Variants in RPS6KA2 observed in about 807,000 individuals in gnomAD.
The protein encoded by RPS6KA2 is ribosomal protein S6 kinase A2.
A neutral mutation model predicts 91.8 loss-of-function variants in RPS6KA2; 42 were observed. That is an observed-to-expected ratio of 0.46 (90% confidence interval 0.36 to 0.59). The LOEUF (loss-of-function observed/expected upper bound fraction) is 0.59, where lower values mean the gene tolerates loss of function less well. RPS6KA2 is among the 20% of genes least tolerant of loss of function. RPS6KA2 has a pLI of 0.00. For synonymous variants in RPS6KA2, 414 were observed against 393.6 expected (o/e 1.05, Z -0.61); for missense variants, 798 against 978.5 (o/e 0.82, Z 2.46).
intron 2 of RPS6KA2, among the ~76,000 whole-genome samples, chr6:166,674,882 T>G (rs1788574866): frequency 6.6e-6 from 1 of 152,218 alleles, no homozygotes; most frequent in Admixed American, 6.5e-5. Flanking sequence ...TTGGCCAGGC[T>G]GGTCTCTAAC....
chr6:166,796,592 AAAC>A (rs575046426), intron 2 of RPS6KA2, among the ~76,000 whole-genome samples: 3 of 151,910 alleles, frequency 2.0e-5, no homozygotes, highest in Non-Finnish European at 2.9e-5. Context: ...TTAAAAAGAA[AAAC>A]AACAACAACA....
intron 19 of RPS6KA2, among the ~76,000 whole-genome samples, chr6:166,417,978 C>G (rs1481699554): frequency 1.3e-5 from 2 of 151,882 alleles, no homozygotes; most frequent in Non-Finnish European, 2.9e-5. Context: ...GTCCCAGCTA[C>G]TTGGGAGGCT....
intron 2 of RPS6KA2, among the ~76,000 whole-genome samples, chr6:166,738,458 C>T (rs1215668062): frequency 6.6e-6 from 1 of 152,138 alleles, no homozygotes; most frequent in Non-Finnish European, 1.5e-5. Flanking sequence ...GGTGGACCCT[C>T]AAAACAGAGG....
At chr6:166,440,647 AG>A (rs1779490828) in intron 14 of RPS6KA2, among the ~76,000 whole-genome samples, 2 of 152,250 alleles carry the variant, frequency 1.3e-5, no homozygotes, top group Admixed American at 6.5e-5. Flanking sequence ...CATCCCATGT[AG>A]GAATGCTACG....
intron 2 of RPS6KA2, among the ~76,000 whole-genome samples, chr6:166,750,111 C>G (rs1002423182): frequency 3.9e-5 from 6 of 152,148 alleles, no homozygotes; most frequent in Non-Finnish European, 8.8e-5. Flanking sequence ...GTGCCCATGC[C>G]GGAGAGAAGT....
chr6:166,658,697 G>A (rs375648762), intron 2 of RPS6KA2, among the ~76,000 whole-genome samples: 34 of 152,288 alleles, frequency 2.2e-4, no homozygotes, highest in Middle Eastern at 3.4e-3. Flanking sequence ...GCCAGGGTTC[G>A]CCTGTGCAAT....
intron 1 of RPS6KA2, among the ~76,000 whole-genome samples, chr6:166,571,462 T>C (rs1784684268): frequency 6.6e-6 from 1 of 152,190 alleles, no homozygotes; most frequent in South Asian, 2.1e-4. Context: ...AAAAAGCCAA[T>C]GACAAACAGA....
intron 11 of RPS6KA2, among the ~76,000 whole-genome samples, chr6:166,468,636 G>A (rs909126961): frequency 6.6e-6 from 1 of 152,040 alleles, no homozygotes; most frequent in Non-Finnish European, 1.5e-5. Flanking sequence ...GGCCAAGGTG[G>A]GTGGATCATG....
intron 1 of RPS6KA2, among the ~76,000 whole-genome samples, chr6:166,552,353 G>A (rs1264841650): frequency 6.6e-6 from 1 of 152,188 alleles, no homozygotes; most frequent in African/African-American, 2.4e-5. Context: ...GCGGTCCCCA[G>A]GAGGCCCTGC....
At chr6:166,591,595 G>A (rs1405714556) in intron 1 of RPS6KA2, among the ~76,000 whole-genome samples, 3 of 152,096 alleles carry the variant, frequency 2.0e-5, no homozygotes, top group Non-Finnish European at 2.9e-5. Context: ...CTGAGATGAT[G>A]GAGGCAGCCA....
At chr6:166,452,158 T>TA (rs143985479) in intron 12 of RPS6KA2, among the ~76,000 whole-genome samples, 3,215 of 152,272 alleles carry the variant, frequency 0.021, 87 homozygotes, top group East Asian at 0.1. Flanking sequence ...TGGGTTTGGC[T>TA]GGGGGTGGAC....
chr6:166,627,266 C>CGCGCCACGCCT, upstream of RPS6KA2: 1 of 1,004,526 alleles, frequency 1.0e-6, no homozygotes. Flanking sequence ...GCGCCGGCCA[C>CGCGCCACGCCT]GCGCCACGCC....
chr6:166,577,893 A>T (rs1349035353), intron 1 of RPS6KA2, among the ~76,000 whole-genome samples: 1 of 152,266 alleles, frequency 6.6e-6, no homozygotes, highest in Middle Eastern at 3.4e-3. Context: ...TTGTGTTGGG[A>T]GAGGGACCTG....
chr6:166,508,584 G>T lies in RPS6KA2; in HGVS notation c.380-302C>A, dbSNP rs1016368700. Among the ~76,000 whole-genome samples the T allele has an allele frequency of 6.6e-6, 1 of 152,172 alleles. No homozygotes were observed. The highest frequency in any genetic ancestry group is 6.5e-5 in the Admixed American group (1 of 15,282). ...GAATTGAAAGATACACGGGGAGAAA[G>T]ATGTGAATATTTAAGCTGGTATCGT... On this transcript the variant is annotated intron_variant, in intron 4 of 20. Transcript: ENST00000265678. This position sits in a 1 kb window ranked among gnomAD's most constrained non-coding sequence, Gnocchi z 4.3.
chr6:166,792,028 A>G (rs1443932799), intron 2 of RPS6KA2, among the ~76,000 whole-genome samples: 1 of 152,120 alleles, frequency 6.6e-6, no homozygotes, highest in African/African-American at 2.4e-5. Context: ...ACAGAACTGA[A>G]GGAGATCGAG....
rs945870012 is a variant in RPS6KA2 at position 166,639,638 on chromosome 6, G to T, written c.124-100854C>A. 6.6e-6 allele frequency among the ~76,000 whole-genome samples: 1 copy of T among 152,010 alleles called. No individual in the cohort carries two copies. The highest frequency in any genetic ancestry group is 6.6e-5 in the Admixed American group (1 of 15,252). ...AGGGTGCAGTCTCTGCTCCTGCCCC[G>T]CTGACTTACTCCTAAGAAGATGAAC... On this transcript the variant is annotated intron_variant, in intron 2 of 21. Coordinates refer to the RPS6KA2 transcript ENST00000503859. This position sits in a 1 kb window ranked among gnomAD's most constrained non-coding sequence, Gnocchi z 4.2.
At chr6:166,484,710 T>C (rs577071545) in intron 10 of RPS6KA2, among the ~76,000 whole-genome samples, 1 of 152,192 alleles carries the variant, frequency 6.6e-6, no homozygotes, top group Non-Finnish European at 1.5e-5. Context: ...ACAGCAGTAG[T>C]TCAGCTGCCA....
intron 2 of RPS6KA2, among the ~76,000 whole-genome samples, chr6:166,660,748 C>G (rs1788141267): frequency 6.6e-6 from 1 of 152,182 alleles, no homozygotes; most frequent in Non-Finnish European, 1.5e-5. Flanking sequence ...TTAGTGCTGT[C>G]TAGCAGGCGT....
At chr6:166,678,762 C>T (rs1036185741) in intron 2 of RPS6KA2, among the ~76,000 whole-genome samples, 1 of 152,226 alleles carries the variant, frequency 6.6e-6, no homozygotes, top group Non-Finnish European at 1.5e-5. Flanking sequence ...GGGCTCAAAA[C>T]GTGGCCTCTG....
Sources: allele counts gnomAD v4.1 joint callset (sites outside exome capture counted in the v4.1 genomes callset), GRCh38; gene constraint gnomAD v4.1.1; non-coding constraint Gnocchi (gnomAD v3.1); transcripts MANE v1.5; gene names NCBI Gene and HGNC (gene_info 2026-07-23, HGNC 2026-07-21).